Variants in PCDHGB3 observed in about 807,000 individuals in gnomAD.
PCDHGB3 encodes protocadherin gamma subfamily B, 3.
PCDHGB3 carries 40 observed loss-of-function variants against 59.2 expected under a neutral mutation model. The observed-to-expected ratio is 0.68, with a 90% CI of 0.52 to 0.88. The LOEUF is 0.88. Ranked by LOEUF, PCDHGB3 falls within the 40% of genes least tolerant of loss-of-function variation. PCDHGB3 has a pLI of 0.00. For missense variants in PCDHGB3, 1,309 were observed against 1,187.9 expected (o/e 1.10, Z -1.50); for synonymous variants, 581 against 503.6 (o/e 1.15, Z -2.06).
At chr5:141,419,939 G>T in intron 1 of PCDHGB3, 1 of 1,614,054 alleles carries the variant, frequency 6.2e-7, no homozygotes. Flanking sequence ...TTACCTGGTG[G>T]TGGCCTTGGC....
chr5:141,492,720 A>G (rs1161942205), intron 1 of PCDHGB3, among the ~76,000 whole-genome samples: 1 of 152,256 alleles, frequency 6.6e-6, no homozygotes, highest in East Asian at 1.9e-4. Context: ...GCAGGCGGAC[A>G]GGCAGAGCTG....
At chr5:141,409,590 A>G (rs755702950) in intron 1 of PCDHGB3, 1 of 1,613,898 alleles carries the variant, frequency 6.2e-7, no homozygotes, top group Non-Finnish European at 8.5e-7. Context: ...CACGTGGCCG[A>G]GAACAACCCG....
rs144203659 is a variant in PCDHGB3, at chr5:141,431,011, G to A, written c.2415+58202G>A. The A allele has an allele frequency of 1.5e-5, 24 of 1,613,168 alleles. No individual in the cohort carries two copies. The highest frequency in any genetic ancestry group is 1.7e-5 in the Non-Finnish European group (20 of 1,179,310). ...CCCTGAATCCGCGCAGCGGCAGCTTGGTCACGGCGGGCAGGATAGACCGGG... is the reference window on the plus strand; with the variant it reads ...CCCTGAATCCGCGCAGCGGCAGCTTAGTCACGGCGGGCAGGATAGACCGGG... On this transcript the variant is annotated intron_variant, in intron 1 of 3. Transcript: ENST00000576222. This position sits in a 1 kb window ranked among gnomAD's most constrained non-coding sequence, Gnocchi z 4.8.
rs1768627083 is a variant in PCDHGB3, at chr5:141,372,298, G to T, written c.1904G>T (p.Arg635Met). 1 of 1,613,330 alleles carries T rather than the reference G, an allele frequency of 6.2e-7. No individual in the cohort carries two copies. The highest frequency in any genetic ancestry group is 8.5e-7 in the Non-Finnish European group (1 of 1,179,880). Residue 635 changes from arginine (R) to methionine (M), a missense_variant, in exon 1 of 4, where the codon AGG (arginine) becomes ATG (methionine). Physicochemically the swap from Arg to Met is moderately conservative, Grantham distance 91 (BLOSUM62 -1). Coordinates refer to ENST00000576222, the MANE Select transcript of PCDHGB3 (RefSeq NM_018924.5). ...CGCACGGCGCGTACCTTGGGCGACA[G>T]GGAGGCCGCCCGCCAGCGCCTGCTG... ...EVRTARTLGD[R>M]EAARQRLLVT...
chr5:141,481,317 C>T (rs2099535550), intron 1 of PCDHGB3, among the ~76,000 whole-genome samples: 1 of 152,182 alleles, frequency 6.6e-6, no homozygotes, highest in African/African-American at 2.4e-5. Context: ...CTTCCTAAAG[C>T]ACTAGCCCCT....
chr5:141,495,752 C>G (rs1310125902), intron 2 of PCDHGB3, among the ~76,000 whole-genome samples: 1 of 152,150 alleles, frequency 6.6e-6, no homozygotes, highest in Non-Finnish European at 1.5e-5. Flanking sequence ...TTCTCTATCT[C>G]TGCCTCCCTG....
intron 1 of PCDHGB3, among the ~76,000 whole-genome samples, chr5:141,448,214 G>A (rs2098576063): frequency 6.6e-6 from 1 of 152,092 alleles, no homozygotes; most frequent in Non-Finnish European, 1.5e-5. Context: ...CTGTGTGTAT[G>A]CGAATGTATG....
In PCDHGB3 at chr5:141,374,581, C is replaced by A; in HGVS notation, c.2415+1772C>A. On this transcript the variant is annotated intron_variant, in intron 1 of 3. Transcript: ENST00000576222. ...ATGACCCTGATGTGGGAATGAACTC[C>A]CTTCAGGGATTTAAGCTCAGTGGTA... The A allele has an allele frequency of 1.9e-6, 3 of 1,613,660 alleles. No homozygotes were observed. In the East Asian group the frequency reaches 6.7e-5, roughly 36 times the overall value.
In PCDHGB3 at chr5:141,370,623, G is replaced by T. The variant is rs1269464778; in HGVS notation, c.229G>T (p.Val77Leu). 3 of 1,613,940 alleles carry T rather than the reference G, an allele frequency of 1.9e-6. No individual in the cohort carries two copies. Among genetic ancestry groups the T allele is most frequent in the African/African-American group, 1.3e-5 (1 of 75,044 alleles). Residue 77 changes from valine (V) to leucine (L), a missense_variant, in exon 1 of 4, where the codon GTG becomes TTG. Coordinates refer to ENST00000576222, the MANE Select transcript of PCDHGB3 (RefSeq NM_018924.5). ...TATTGCAGAGAAGAAATTCTTTACC[G>T]TGAGCCCCGAAAATGGGAACTTACT... is the stretch of plus-strand genomic sequence containing the variant. ...RVIAEKKFFTVSPENGNLLVS... is the reference protein window; with the variant it reads ...RVIAEKKFFTLSPENGNLLVS...
At chr5:141,390,318 C>T in intron 1 of PCDHGB3, 1 of 1,609,020 alleles carries the variant, frequency 6.2e-7, no homozygotes, top group Non-Finnish European at 8.5e-7. Context: ...TGCTCATTGC[C>T]TACCCATTTC....
intron 1 of PCDHGB3, among the ~76,000 whole-genome samples, chr5:141,437,491 T>C (rs1428543921): frequency 6.6e-6 from 1 of 152,184 alleles, no homozygotes; most frequent in Non-Finnish European, 1.5e-5. Flanking sequence ...ATCTCGTAGA[T>C]CACTTTTCAA....
chr5:141,471,047 T>C (rs1270779800), intron 1 of PCDHGB3, among the ~76,000 whole-genome samples: 3 of 63,666 alleles, frequency 4.7e-5, no homozygotes. Flanking sequence ...CCAAGCCCTC[T>C]TTTTTTTTTT....
intron 1 of PCDHGB3, chr5:141,399,531 G>A (rs771221717): frequency 1.2e-6 from 2 of 1,614,052 alleles, no homozygotes; most frequent in Non-Finnish European, 1.7e-6. Flanking sequence ...CCTCCATCGC[G>A]CAAGTCTGCG....
intron 1 of PCDHGB3, chr5:141,416,195 CAATT>C (rs1181982521): frequency 6.6e-6 from 1 of 152,322 alleles, no homozygotes; most frequent in African/African-American, 2.4e-5. Flanking sequence ...ATTGAATTAA[CAATT>C]TATTTATAAC....
intron 1 of PCDHGB3, chr5:141,410,127 T>A (rs761667108): frequency 3.7e-6 from 6 of 1,612,926 alleles, no homozygotes; most frequent in Non-Finnish European, 5.1e-6. Context: ...CGCCAGCGCC[T>A]GCTGGTCGCT....
At chr5:141,503,598 CAAAAAAAAAAAA>C (rs765754054) in intron 2 of PCDHGB3, among the ~76,000 whole-genome samples, 11 of 65,762 alleles carry the variant, frequency 1.7e-4, no homozygotes, top group Admixed American at 3.4e-4. Context: ...GACTCCAGCT[CAAAAAAAAAAAA>C]AAAAGAAAAA....
chr5:141,473,700 C>G (rs1474416849), intron 1 of PCDHGB3, among the ~76,000 whole-genome samples: 1 of 152,148 alleles, frequency 6.6e-6, no homozygotes, highest in Non-Finnish European at 1.5e-5. Context: ...GACCACCCTC[C>G]AAGTGGTGCA....
chr5:141,499,223 C>T (rs1478344280), intron 2 of PCDHGB3, among the ~76,000 whole-genome samples: 2 of 152,112 alleles, frequency 1.3e-5, no homozygotes, highest in African/African-American at 4.8e-5. Context: ...CCCTGCCCTG[C>T]AGCTGTCCCC....
intron 1 of PCDHGB3, chr5:141,478,091 A>G: frequency 6.2e-7 from 1 of 1,613,972 alleles, no homozygotes; most frequent in African/African-American, 1.3e-5. Flanking sequence ...GCTCTCCACC[A>G]CTGCTACCCT....
Sources: allele counts gnomAD v4.1 joint callset (sites outside exome capture counted in the v4.1 genomes callset), GRCh38; gene constraint gnomAD v4.1.1; non-coding constraint Gnocchi (gnomAD v3.1); transcripts MANE v1.5; gene names NCBI Gene and HGNC (gene_info 2026-07-23, HGNC 2026-07-21).